PLXNA4: variants seen among roughly 807,000 people sequenced by gnomAD.
PLXNA4 encodes plexin A4.
Under a neutral mutation model 191.8 loss-of-function variants are expected in PLXNA4, and 44 were observed. That is an observed-to-expected ratio of 0.23 (90% CI 0.18 to 0.29). The LOEUF is 0.29. Among genes scored for constraint, PLXNA4 ranks in the 10% least tolerant of loss-of-function variants. The pLI is 1.00. For missense variants in PLXNA4, 1,800 were observed against 2,488.8 expected, an observed-to-expected ratio of 0.72 and a Z score of 5.89; for synonymous variants, 1,082 against 1,009.5, an observed-to-expected ratio of 1.07 and a Z score of -1.36.
chr7:132,294,938 T>C (rs906855963), intron 4 of PLXNA4, among the ~76,000 whole-genome samples: 10 of 152,220 alleles, frequency 6.6e-5, no homozygotes, highest in African/African-American at 1.9e-4. Flanking sequence ...GCTGACACTG[T>C]GATCCTGGAC....
At chr7:132,544,135 A>C (rs1200106297) in intron 1 of PLXNA4, among the ~76,000 whole-genome samples, 1 of 152,244 alleles carries the variant, frequency 6.6e-6, no homozygotes, top group African/African-American at 2.4e-5. Flanking sequence ...GAACATGGGT[A>C]GCTCAGACAA....
At chr7:132,648,288 G>A (rs1383109033) in intron 1 of PLXNA4, among the ~76,000 whole-genome samples, 1 of 152,154 alleles carries the variant, frequency 6.6e-6, no homozygotes, top group Non-Finnish European at 1.5e-5. Flanking sequence ...AATAATTCCT[G>A]ATTACTGAGA....
At chr7:132,292,403 CA>C (rs761203299) in intron 4 of PLXNA4, among the ~76,000 whole-genome samples, 7 of 152,198 alleles carry the variant, frequency 4.6e-5, no homozygotes, top group Non-Finnish European at 8.8e-5. Context: ...GAACATTCCT[CA>C]GGGGCAGAGG....
intron 1 of PLXNA4, among the ~76,000 whole-genome samples, chr7:132,513,658 A>T (rs113812498): frequency 4.1e-4 from 31 of 76,242 alleles, no homozygotes; most frequent in African/African-American, 1.7e-3. Flanking sequence ...TTTTTGTTTT[A>T]GTTTTTGTTT....
chr7:132,198,799 T>C (rs564090751), intron 12 of PLXNA4, among the ~76,000 whole-genome samples, 163 bp from the exon 13 acceptor site: 2 of 152,272 alleles, frequency 1.3e-5, no homozygotes, highest in East Asian at 3.9e-4. Context: ...CAATGGGTAG[T>C]AGCTTCTAGG....
intron 3 of PLXNA4, among the ~76,000 whole-genome samples, chr7:132,407,198 T>C (rs1794255705): frequency 1.3e-5 from 2 of 152,172 alleles, no homozygotes. Flanking sequence ...GCTGGCCTTC[T>C]CCTTAAGCAA....
At chr7:132,209,029 A>G (rs917568530) in intron 10 of PLXNA4, among the ~76,000 whole-genome samples, 1 of 152,234 alleles carries the variant, frequency 6.6e-6, no homozygotes, top group South Asian at 2.1e-4. Flanking sequence ...CTGGCAGTCA[A>G]TAGAATGGCA....
intron 1 of PLXNA4, among the ~76,000 whole-genome samples, chr7:132,535,883 C>G (rs967527166): frequency 1.3e-5 from 2 of 152,146 alleles, no homozygotes; most frequent in African/African-American, 4.8e-5. Flanking sequence ...CCACCACAAC[C>G]CTACAAGGTA....
chr7:132,159,643 G>C lies in PLXNA4; in HGVS notation c.4501-11C>G, dbSNP rs546769513. On this transcript the variant is annotated splice_polypyrimidine_tract_variant and intron_variant, in intron 24 of 31. Coordinates refer to ENST00000321063, the MANE Select transcript of PLXNA4 (RefSeq NM_020911.2). Reference sequence around the variant, plus strand: ...GACACAGCTCAGGACCTGAAGGAAAGGTGGGGAGAGGAAGCATATGAAATG... The same window carrying C: ...GACACAGCTCAGGACCTGAAGGAAACGTGGGGAGAGGAAGCATATGAAATG... 14 of 1,613,642 alleles carry C rather than the reference G, an allele frequency of 8.7e-6. No homozygotes were observed. Among genetic ancestry groups the C allele is most frequent in the African/African-American group, 1.3e-5 (1 of 75,020 alleles).
At chr7:132,198,716 G>A in intron 12 of PLXNA4, 80 bp from the exon 13 acceptor site, 1 of 1,560,534 alleles carries the variant, frequency 6.4e-7, no homozygotes, top group Non-Finnish European at 8.6e-7. Flanking sequence ...AGAGGCTGCT[G>A]GCTCTTGTCT....
intron 4 of PLXNA4, among the ~76,000 whole-genome samples, chr7:132,279,010 G>C (rs1800380480): frequency 6.6e-6 from 1 of 152,216 alleles, no homozygotes; most frequent in South Asian, 2.1e-4. Flanking sequence ...GCAAACTGCA[G>C]GTGGTGATAA....
At chr7:132,325,325 C>T (rs889709640) in intron 3 of PLXNA4, among the ~76,000 whole-genome samples, 1 of 152,132 alleles carries the variant, frequency 6.6e-6, no homozygotes, top group South Asian at 2.1e-4. Context: ...GAGTAGAATT[C>T]TTGCCATTTG....
intron 4 of PLXNA4, among the ~76,000 whole-genome samples, chr7:132,277,025 A>AT (rs1023153933): frequency 4.6e-5 from 7 of 152,086 alleles, no homozygotes; most frequent in Admixed American, 6.6e-5. Flanking sequence ...TTTTTAAAGA[A>AT]TTTTTTCTTT....
chr7:132,374,656 C>T (rs979977902), intron 3 of PLXNA4, among the ~76,000 whole-genome samples: 4 of 152,216 alleles, frequency 2.6e-5, no homozygotes, highest in African/African-American at 4.8e-5. Flanking sequence ...GTTGAACCCT[C>T]GAATGCTAAC....
chr7:132,318,661 C>CTTTTT (rs56179808), intron 3 of PLXNA4, among the ~76,000 whole-genome samples: 6 of 109,870 alleles, frequency 5.5e-5, no homozygotes, highest in Admixed American at 1.0e-4. Flanking sequence ...ACGCACTTTG[C>CTTTTT]TTTTTTTTTT....
At chr7:132,380,229 A>G (rs993481978) in intron 3 of PLXNA4, among the ~76,000 whole-genome samples, 2 of 152,194 alleles carry the variant, frequency 1.3e-5, no homozygotes, top group Admixed American at 1.3e-4. Flanking sequence ...TCCATTGCTC[A>G]ACTCCCTGTA....
chr7:132,434,511 TTCTTAAG>T (rs1227690398), intron 3 of PLXNA4, among the ~76,000 whole-genome samples: 3 of 152,212 alleles, frequency 2.0e-5, no homozygotes, highest in African/African-American at 7.2e-5. Flanking sequence ...TTTGTGGCTT[TTCTTAAG>T]TCATGCTGTT....
At chr7:132,569,375 C>A (rs1281755815) in intron 1 of PLXNA4, among the ~76,000 whole-genome samples, 1 of 152,180 alleles carries the variant, frequency 6.6e-6, no homozygotes, top group African/African-American at 2.4e-5. Context: ...CTTCCTTGAG[C>A]TCTACTTTCT....
intron 3 of PLXNA4, among the ~76,000 whole-genome samples, chr7:132,416,036 C>T (rs900200644): frequency 1.3e-5 from 2 of 152,166 alleles, no homozygotes; most frequent in African/African-American, 4.8e-5. Flanking sequence ...AAATCTAGTT[C>T]CTTAGTCATA....
Sources: gnomAD v4.1 joint callset for allele counts (sites outside exome capture counted in the v4.1 genomes callset) on GRCh38, gnomAD v4.1.1 for gene constraint, MANE v1.5 for transcripts, NCBI Gene and HGNC (gene_info 2026-07-23, HGNC 2026-07-21) for gene names.